FNDC3A: variants seen among roughly 807,000 people sequenced by gnomAD.
FNDC3A encodes fibronectin type III domain containing 3A, also known as fibronectin type-III domain-containing protein 3A.
Under a neutral mutation model 148.9 loss-of-function variants are expected in FNDC3A, and 32 were observed. The observed-to-expected ratio is 0.21, with a 90% CI of 0.16 to 0.29. The LOEUF (loss-of-function observed/expected upper bound fraction) is 0.29. FNDC3A is among the 10% of genes least tolerant of loss of function. FNDC3A has a pLI of 1.00. For missense variants in FNDC3A, 1,191 were observed against 1,452.8 expected (o/e 0.82, Z 2.93); for synonymous variants, 472 against 473.6 (o/e 1.00, Z 0.04).
chr13:49,102,092 C>T (rs1879895406), intron 3 of FNDC3A, among the ~76,000 whole-genome samples: 1 of 152,004 alleles, frequency 6.6e-6, no homozygotes, highest in African/African-American at 2.4e-5. Flanking sequence ...CCCACCTCAG[C>T]CTCCCCAAAT....
intron 3 of FNDC3A, among the ~76,000 whole-genome samples, chr13:49,091,287 TAAAC>T (rs916073347): frequency 2.1e-5 from 3 of 143,434 alleles, no homozygotes; most frequent in African/African-American, 7.8e-5. Flanking sequence ...AAAAAAGAAA[TAAAC>T]AGAAATTGTT....
intron 2 of FNDC3A, among the ~76,000 whole-genome samples, chr13:49,067,427 CA>C (rs1482223133): frequency 6.6e-6 from 1 of 152,070 alleles, no homozygotes; most frequent in Non-Finnish European, 1.5e-5. Flanking sequence ...ATAGCTTGGT[CA>C]AAACACAGAA....
chr13:49,102,296 C>T (rs1483743181), intron 3 of FNDC3A, among the ~76,000 whole-genome samples: 4 of 152,074 alleles, frequency 2.6e-5, no homozygotes, highest in Non-Finnish European at 5.9e-5. Flanking sequence ...GGTTGAGCTA[C>T]TAATTCACTG....
intron 23 of FNDC3A, 43 bp from the exon 24 acceptor site, chr13:49,201,757 A>G (rs778281389): frequency 3.5e-5 from 34 of 975,558 alleles, no homozygotes; most frequent in Non-Finnish European, 4.4e-5. Flanking sequence ...ATAAGGTATC[A>G]TAAGGTAGTA....
At chr13:49,073,043 A>G (rs1397202836) in intron 2 of FNDC3A, among the ~76,000 whole-genome samples, 1 of 152,210 alleles carries the variant, frequency 6.6e-6, no homozygotes, top group East Asian at 1.9e-4. Context: ...ATCCATACAA[A>G]CTAGCTACAT....
intron 2 of FNDC3A, among the ~76,000 whole-genome samples, chr13:49,057,449 G>A (rs367803001): frequency 6.6e-6 from 1 of 152,102 alleles, no homozygotes. Context: ...TCTTATGCCA[G>A]ATAAACTCTC....
intron 2 of FNDC3A, among the ~76,000 whole-genome samples, chr13:49,054,967 G>A (rs1448424084): frequency 6.6e-6 from 1 of 151,562 alleles, no homozygotes; most frequent in African/African-American, 2.4e-5. Context: ...TTTTACCTGA[G>A]ATATCTTCAT....
intron 25 of FNDC3A, 150 bp downstream of exon 25, chr13:49,203,434 A>G (rs528643791): frequency 1.7e-6 from 1 of 578,584 alleles, no homozygotes; most frequent in East Asian, 3.0e-5. Context: ...AAGATTCCAA[A>G]TCTTTTCAGT....
At chr13:49,137,455 G>A (rs1882439935) in intron 6 of FNDC3A, among the ~76,000 whole-genome samples, 1 of 151,988 alleles carries the variant, frequency 6.6e-6, no homozygotes, top group Admixed American at 6.6e-5. Context: ...AGCGATTCTC[G>A]TGCCTCAGCC....
intron 4 of FNDC3A, among the ~76,000 whole-genome samples, chr13:49,119,153 G>A (rs1881166601): frequency 6.6e-6 from 1 of 152,212 alleles, no homozygotes; most frequent in Non-Finnish European, 1.5e-5. Context: ...GCTTCCAGAG[G>A]AAAGAACAGG....
intron 1 of FNDC3A, among the ~76,000 whole-genome samples, chr13:48,995,875 C>T (rs76383250): frequency 0.02 from 3,017 of 152,260 alleles, 40 homozygotes; most frequent in Middle Eastern, 0.051. Context: ...AGTTTCATCT[C>T]AGGAAATTCC....
At chr13:49,158,011 G>A (rs934528998) in intron 8 of FNDC3A, among the ~76,000 whole-genome samples, 4 of 151,614 alleles carry the variant, frequency 2.6e-5, no homozygotes, top group Admixed American at 2.6e-4. Context: ...GGAGCCTACA[G>A]AGGCAGGCAG....
intron 3 of FNDC3A, 77 bp from the exon 4 acceptor site, chr13:49,114,578 A>G: frequency 1.1e-6 from 1 of 937,970 alleles, no homozygotes; most frequent in South Asian, 1.4e-5. Context: ...AAGTATTCAA[A>G]ATGTAATTCA....
intron 3 of FNDC3A, among the ~76,000 whole-genome samples, chr13:49,102,204 C>G (rs757880713): frequency 1.3e-5 from 2 of 151,202 alleles, no homozygotes; most frequent in Non-Finnish European, 2.9e-5. Context: ...TTTCCCTTTT[C>G]TTCAATTTAT....
At chr13:49,003,772 G>A (rs1318778251) in intron 1 of FNDC3A, among the ~76,000 whole-genome samples, 3 of 152,002 alleles carry the variant, frequency 2.0e-5, no homozygotes, top group Non-Finnish European at 2.9e-5. Context: ...CAAAAAAAAA[G>A]TTGCAAGAAT....
At chr13:49,013,650 A>G (rs564436030) in intron 2 of FNDC3A, among the ~76,000 whole-genome samples, 1 of 149,088 alleles carries the variant, frequency 6.7e-6, no homozygotes, top group African/African-American at 2.5e-5. Context: ...GTACATGTGT[A>G]TACATGTATA....
intron 8 of FNDC3A, among the ~76,000 whole-genome samples, chr13:49,153,844 T>C (rs1283724627): frequency 8.6e-6 from 1 of 116,216 alleles, no homozygotes; most frequent in Non-Finnish European, 1.8e-5. Flanking sequence ...TGCGGCGTTA[T>C]TTCTGAGGGC....
At chr13:49,101,325 A>G (rs1344727391) in intron 3 of FNDC3A, among the ~76,000 whole-genome samples, 1 of 152,124 alleles carries the variant, frequency 6.6e-6, no homozygotes, top group African/African-American at 2.4e-5. Flanking sequence ...AGTTTAACAC[A>G]TATTATTTAG....
At chr13:49,194,287 AATTG>A (rs1441383928) in intron 19 of FNDC3A, among the ~76,000 whole-genome samples, 7 of 152,182 alleles carry the variant, frequency 4.6e-5, no homozygotes, top group African/African-American at 1.2e-4. Flanking sequence ...GGAATTTTAA[AATTG>A]ATTGGGTTTT....
Sources: allele counts gnomAD v4.1 joint callset (sites outside exome capture counted in the v4.1 genomes callset), GRCh38; gene constraint gnomAD v4.1.1; transcripts MANE v1.5; gene names NCBI Gene and HGNC (gene_info 2026-07-23, HGNC 2026-07-21).